The following FRMPD4 variants were observed in gnomAD, a reference collection of about 807,000 sequenced individuals.
FRMPD4 encodes the protein FERM and PDZ domain containing 4, also known as FERM and PDZ domain-containing protein 4.
In FRMPD4, 22 loss-of-function variants were observed where a neutral mutation model predicts 94.1. The observed-to-expected ratio is 0.23, with a 90% CI of 0.17 to 0.33. The LOEUF (loss-of-function observed/expected upper bound fraction) is 0.33, where lower values mean the gene tolerates loss of function less well. FRMPD4 is among the 10% of genes least tolerant of loss of function. FRMPD4 has a pLI of 1.00. For missense variants in FRMPD4, 1,111 were observed against 1,339.9 expected (o/e 0.83, Z 2.67); for synonymous variants, 631 against 548.6 (o/e 1.15, Z -2.10).
intron 1 of FRMPD4, among the ~76,000 whole-genome samples, chrX:11,831,973 C>T (rs1423295092): frequency 8.9e-6 from 1 of 111,842 alleles, no homozygotes; most frequent in Admixed American, 9.5e-5. Context: ...AACTGAATAT[C>T]CTTCAAGAGG....
At chrX:11,968,476 C>T (rs768794709) in intron 3 of FRMPD4, among the ~76,000 whole-genome samples, 6 of 111,436 alleles carry the variant, frequency 5.4e-5, no homozygotes, top group Non-Finnish European at 9.4e-5. Context: ...AGCCTGGACT[C>T]GTGAACTGCT....
intron 10 of FRMPD4, among the ~76,000 whole-genome samples, chrX:12,702,576 A>G (rs1291859281): frequency 8.9e-6 from 1 of 112,154 alleles, no homozygotes; most frequent in Non-Finnish European, 1.9e-5. Context: ...TGTATAAACT[A>G]ATTAAAATCC....
At position 12,013,183 on chromosome X, in the gene FRMPD4, C is replaced by T. The variant is rs191074256; in HGVS notation, c.95+135165C>T. Reference sequence around the variant, plus strand: ...AAAAAATTAACTCTCTACTTCTTTACAATCACAAGCTTAGCATTGTATTAC... The same window carrying T: ...AAAAAATTAACTCTCTACTTCTTTATAATCACAAGCTTAGCATTGTATTAC... On this transcript the variant is annotated intron_variant, in intron 3 of 18. Transcript: ENST00000640291. 5.4e-5 allele frequency among the ~76,000 whole-genome samples: 6 copies of T among 112,003 alleles called. 1 individual carries two copies. In the East Asian group the frequency reaches 1.7e-3, roughly 31 times the overall value.
chrX:12,123,738 G>A (rs920634618), intron 3 of FRMPD4, among the ~76,000 whole-genome samples: 10 of 111,267 alleles, frequency 9.0e-5, no homozygotes, highest in Non-Finnish European at 1.9e-4. Flanking sequence ...TATTAGTTGT[G>A]ACAACCTTCT....
At chrX:11,830,076 AG>A (rs1313830886) in intron 1 of FRMPD4, among the ~76,000 whole-genome samples, 2 of 111,513 alleles carry the variant, frequency 1.8e-5, no homozygotes, top group Admixed American at 9.5e-5. Context: ...AACATAAAAT[AG>A]AAAAATAGAA....
chrX:12,164,300 GT>G (rs933704479), intron 1 of FRMPD4, among the ~76,000 whole-genome samples: 6 of 110,218 alleles, frequency 5.4e-5, no homozygotes, highest in Admixed American at 2.9e-4. Context: ...TGCGGTGTTT[GT>G]TTTTTTTGTC....
chrX:12,424,642 T>A (rs2056925103), intron 1 of FRMPD4, among the ~76,000 whole-genome samples: 1 of 112,092 alleles, frequency 8.9e-6, no homozygotes, highest in South Asian at 3.7e-4. Flanking sequence ...ATTAGCGAGG[T>A]TCAAGGCCTA....
chrX:12,381,089 A>G (rs2056311493), intron 1 of FRMPD4, among the ~76,000 whole-genome samples: 1 of 111,791 alleles, frequency 8.9e-6, no homozygotes, highest in African/African-American at 3.3e-5. Flanking sequence ...CCATCCCAAC[A>G]ATTTGTGGTT....
chrX:12,708,471 A>G (rs1314639296), intron 13 of FRMPD4, among the ~76,000 whole-genome samples: 1 of 106,044 alleles, frequency 9.4e-6, no homozygotes, highest in African/African-American at 3.7e-5. Context: ...TCCATCTCAA[A>G]AAAAAAAAAA....
chrX:12,337,864 T>G (rs1230240333), intron 1 of FRMPD4, among the ~76,000 whole-genome samples: 7 of 112,754 alleles, frequency 6.2e-5, no homozygotes, highest in African/African-American at 1.9e-4. Context: ...CATGTATACT[T>G]GTCTCAGTCC....
intron 1 of FRMPD4, among the ~76,000 whole-genome samples, chrX:12,167,581 T>C (rs2056142812): frequency 8.9e-6 from 1 of 111,872 alleles, no homozygotes; most frequent in African/African-American, 3.3e-5. Flanking sequence ...GAATCCGTTT[T>C]CCTCAGGCTT....
At chrX:12,030,191 A>G (rs1375043353) in intron 3 of FRMPD4, among the ~76,000 whole-genome samples, 1 of 112,206 alleles carries the variant, frequency 8.9e-6, no homozygotes, top group African/African-American at 3.2e-5. Flanking sequence ...GGAGAATGCT[A>G]TGTCTTCTAG....
intron 1 of FRMPD4, among the ~76,000 whole-genome samples, chrX:12,317,585 C>CAAAA (rs376884335): frequency 1.4e-4 from 6 of 42,417 alleles, no homozygotes; most frequent in African/African-American, 5.0e-4. Context: ...AACTAAATAG[C>CAAAA]AAAAAAAAAA....
At chrX:12,358,992 A>G (rs940897076) in intron 1 of FRMPD4, among the ~76,000 whole-genome samples, 1 of 112,226 alleles carries the variant, frequency 8.9e-6, no homozygotes, top group Admixed American at 9.4e-5. Context: ...GAAGGGAAGC[A>G]CTGTCTTTTT....
At chrX:12,425,519 C>CT (rs772896376) in intron 1 of FRMPD4, among the ~76,000 whole-genome samples, 1 of 111,779 alleles carries the variant, frequency 8.9e-6, no homozygotes, top group Non-Finnish European at 1.9e-5. Flanking sequence ...AGAGAATTCC[C>CT]TGATAAGATA....
At chrX:12,002,462 C>T (rs148902993) in intron 3 of FRMPD4, among the ~76,000 whole-genome samples, 447 of 111,936 alleles carry the variant, frequency 4.0e-3, no homozygotes, top group Non-Finnish European at 5.9e-3. Context: ...AACAAAAAAG[C>T]CAAGTAAAAT....
intron 1 of FRMPD4, among the ~76,000 whole-genome samples, chrX:12,295,499 G>T (rs2147882228): frequency 9.0e-6 from 1 of 111,512 alleles, no homozygotes; most frequent in African/African-American, 3.3e-5. Context: ...CCTCTGTAAG[G>T]TACTTAGAAT....
chrX:12,179,886 T>TAA, intron 1 of FRMPD4, among the ~76,000 whole-genome samples: 1 of 108,623 alleles, frequency 9.2e-6, no homozygotes, highest in South Asian at 4.1e-4. Context: ...TTTTTTTTTT[T>TAA]AAAGTATATT....
At chrX:11,973,829 C>G (rs745783163) in intron 3 of FRMPD4, among the ~76,000 whole-genome samples, 5 of 111,494 alleles carry the variant, frequency 4.5e-5, no homozygotes, top group Non-Finnish European at 9.4e-5. Flanking sequence ...AGAAATCTCA[C>G]AAAATGTAAG....
Sources: allele counts gnomAD v4.1 joint callset (sites outside exome capture counted in the v4.1 genomes callset), GRCh38; gene constraint gnomAD v4.1.1; transcripts MANE v1.5; gene names NCBI Gene and HGNC (gene_info 2026-07-23, HGNC 2026-07-21).